CDH13: variants seen among roughly 807,000 people sequenced by gnomAD.
CDH13 encodes cadherin-13.
A neutral mutation model predicts 63.8 loss-of-function variants in CDH13; 24 were observed. That is an observed-to-expected ratio of 0.38 (90% CI 0.27 to 0.53). CDH13 has a LOEUF of 0.53. Ranked by LOEUF, CDH13 falls within the 20% of genes least tolerant of loss-of-function variation. The probability of loss-of-function intolerance (pLI) is 0.85; values close to 1 mark genes in which losing one functional copy is unlikely to be tolerated. For synonymous variants in CDH13, 503 were observed against 355.3 expected, an observed-to-expected ratio of 1.42 and a Z score of -4.67; for missense variants, 1,049 against 903.1, an observed-to-expected ratio of 1.16 and a Z score of -2.07.
intron 10 of CDH13, among the ~76,000 whole-genome samples, chr16:83,720,643 G>C (rs898996064): frequency 6.6e-6 from 1 of 151,940 alleles, no homozygotes; most frequent in Non-Finnish European, 1.5e-5. Flanking sequence ...ATTTCAGGCA[G>C]ACCATCTCGT....
intron 1 of CDH13, among the ~76,000 whole-genome samples, chr16:82,812,274 T>G (rs1307713908): frequency 2.6e-5 from 4 of 152,136 alleles, no homozygotes; most frequent in Non-Finnish European, 4.4e-5. Context: ...GAGGAGGGGC[T>G]GGGACAGTAG....
intron 6 of CDH13, among the ~76,000 whole-genome samples, chr16:83,375,551 G>A (rs1293203687): frequency 6.6e-6 from 1 of 152,170 alleles, no homozygotes; most frequent in South Asian, 2.1e-4. Context: ...AGCTGAGGGT[G>A]GCATGGTAAA....
At chr16:83,647,984 C>A (rs1200876914) in intron 8 of CDH13, among the ~76,000 whole-genome samples, 1 of 152,160 alleles carries the variant, frequency 6.6e-6, no homozygotes, top group African/African-American at 2.4e-5. Context: ...GATAAGGTAA[C>A]AGCATTATCC....
chr16:83,513,505 C>G (rs1302244302), intron 7 of CDH13, among the ~76,000 whole-genome samples: 2 of 152,158 alleles, frequency 1.3e-5, no homozygotes, highest in Non-Finnish European at 1.5e-5. Flanking sequence ...GTTTAATTGA[C>G]TCACACACAG....
intron 1 of CDH13, chr16:82,824,110 A>G (rs1482407256): frequency 6.6e-6 from 1 of 152,198 alleles, no homozygotes; most frequent in Non-Finnish European, 1.5e-5. Flanking sequence ...CATTAGGGTC[A>G]TGTCATTTAA....
intron 1 of CDH13, among the ~76,000 whole-genome samples, chr16:82,827,636 G>C (rs1333693099): frequency 1.3e-5 from 2 of 152,178 alleles, no homozygotes; most frequent in Non-Finnish European, 2.9e-5. Flanking sequence ...TTGACCTCAA[G>C]AAAGTCACTA....
intron 1 of CDH13, among the ~76,000 whole-genome samples, chr16:82,762,860 A>T (rs1377946091): frequency 1.3e-5 from 2 of 152,040 alleles, no homozygotes; most frequent in African/African-American, 4.8e-5. Context: ...TTGGGTGGGC[A>T]CTCTCTTCAT....
intron 4 of CDH13, among the ~76,000 whole-genome samples, chr16:83,146,098 G>A (rs543578761): frequency 3.3e-5 from 5 of 151,462 alleles, no homozygotes; most frequent in Admixed American, 1.3e-4. Context: ...GAAGGCTGGG[G>A]CAGGAGAATC....
intron 2 of CDH13, among the ~76,000 whole-genome samples, chr16:82,905,328 A>G (rs1439282707): frequency 6.6e-6 from 1 of 152,212 alleles, no homozygotes; most frequent in African/African-American, 2.4e-5. Flanking sequence ...TTTATGAGTA[A>G]AACATATATG....
intron 6 of CDH13, among the ~76,000 whole-genome samples, chr16:83,361,260 C>T (rs914085111): frequency 5.3e-5 from 8 of 152,180 alleles, no homozygotes; most frequent in Non-Finnish European, 1.0e-4. Context: ...CATGCCTTTG[C>T]CCACATTTTA....
At chr16:82,951,092 A>T (rs537847243) in intron 2 of CDH13, among the ~76,000 whole-genome samples, 1 of 152,164 alleles carries the variant, frequency 6.6e-6, no homozygotes, top group African/African-American at 2.4e-5. Context: ...TTCAATGGCC[A>T]GGGAGTGAGG....
chr16:83,292,344 C>G lies in CDH13; in HGVS notation c.637-52518C>G, dbSNP rs903506697. On this transcript the variant is annotated intron_variant, in intron 5 of 13. Coordinates refer to ENST00000567109, the MANE Select transcript of CDH13 (RefSeq NM_001257.5). Reference sequence around the variant, plus strand: ...CTTCTCATATTGCCTAGTTCTGGGCCTCCCTGTCCTCTGTCCTGTGGCCAC... The same window carrying G: ...CTTCTCATATTGCCTAGTTCTGGGCGTCCCTGTCCTCTGTCCTGTGGCCAC... Among the ~76,000 whole-genome samples the G allele has an allele frequency of 3.4e-4, 52 of 152,210 alleles. 1 individual carries two copies. The highest frequency in any genetic ancestry group is 1.3e-3 in the African/African-American group (52 of 41,516).
At chr16:83,155,885 G>T (rs1197908973) in intron 4 of CDH13, among the ~76,000 whole-genome samples, 1 of 152,190 alleles carries the variant, frequency 6.6e-6, no homozygotes, top group East Asian at 1.9e-4. Flanking sequence ...GCTTCCAAAA[G>T]CTTCAATGCC....
intron 3 of CDH13, among the ~76,000 whole-genome samples, chr16:83,085,013 A>G (rs138804146): frequency 6.6e-6 from 1 of 152,192 alleles, no homozygotes; most frequent in African/African-American, 2.4e-5. Flanking sequence ...CTATTCCTCT[A>G]CTTCATCTCA....
chr16:83,621,422 TG>T (rs1327961598), intron 8 of CDH13, among the ~76,000 whole-genome samples: 1 of 148,296 alleles, frequency 6.7e-6, no homozygotes, highest in East Asian at 2.0e-4. Flanking sequence ...CCACTCTGCT[TG>T]AACTTGCAAA....
At chr16:83,573,917 A>G (rs1212461125) in intron 7 of CDH13, among the ~76,000 whole-genome samples, 2 of 152,180 alleles carry the variant, frequency 1.3e-5, no homozygotes, top group Non-Finnish European at 2.9e-5. Flanking sequence ...GCCTTGGGAC[A>G]GGGAAGCCTG....
At chr16:83,525,528 T>G (rs1374323465) in intron 7 of CDH13, among the ~76,000 whole-genome samples, 1 of 152,242 alleles carries the variant, frequency 6.6e-6, no homozygotes. Context: ...ACCTGCTTGT[T>G]GCCAAGCCCT....
intron 2 of CDH13, among the ~76,000 whole-genome samples, chr16:82,949,410 C>G (rs940860879): frequency 6.6e-6 from 1 of 152,144 alleles, no homozygotes; most frequent in African/African-American, 2.4e-5. Context: ...TTCCTCTTAA[C>G]TCGATGACAT....
At chr16:83,608,506 T>G (rs1034933429) in intron 8 of CDH13, among the ~76,000 whole-genome samples, 1 of 151,966 alleles carries the variant, frequency 6.6e-6, no homozygotes, top group African/African-American at 2.4e-5. Flanking sequence ...TTGAGACAGG[T>G]TCTCATTCTG....
Sources: allele counts gnomAD v4.1 joint callset (sites outside exome capture counted in the v4.1 genomes callset), GRCh38; gene constraint gnomAD v4.1.1; transcripts MANE v1.5; gene names NCBI Gene and HGNC (gene_info 2026-07-23, HGNC 2026-07-21).